SIRPB2: variants seen among roughly 807,000 people sequenced by gnomAD.
SIRPB2 encodes the protein signal-regulatory protein beta-2.
SIRPB2 carries 18 observed loss-of-function variants against 27.1 expected under a neutral mutation model. The observed-to-expected ratio is 0.66, with a 90% CI of 0.46 to 0.98. The LOEUF (loss-of-function observed/expected upper bound fraction) is 0.98. Among genes scored for constraint, SIRPB2 ranks in the 50% least tolerant of loss-of-function variants. The pLI is 0.00. For synonymous variants in SIRPB2, 150 were observed against 164.6 expected (o/e 0.91, Z 0.68); for missense variants, 420 against 417.4 (o/e 1.01, Z -0.06).
chr20:1,475,999 CG>C lies in SIRPB2; in HGVS notation c.*167del, dbSNP rs1269701645. 1.5e-6 allele frequency: 1 copy of C among 688,828 alleles called. No homozygotes were observed. Among genetic ancestry groups the C allele is most frequent in the Non-Finnish European group, 2.4e-6 (1 of 421,322 alleles). 42.7% of individuals were successfully genotyped at this position (688,828 alleles called of 1,614,324 possible). On this transcript the variant is annotated 3_prime_UTR_variant, in exon 5 of 5. Transcript: ENST00000359801. ...AAGGGAGACATTTTAGAGGGAAGCC[CG>C]GTGCAAAGAAGGGAATTTCACTAGG... is the stretch of plus-strand genomic sequence containing the variant.
chr20:1,472,675 A>G (rs2090584445), downstream of SIRPB2: 2 of 152,188 alleles, frequency 1.3e-5, no homozygotes. Flanking sequence ...GCATGTTATT[A>G]CCAGTTTATA....
At chr20:1,476,452 T>A in intron 4 of SIRPB2, 116 bp from the exon 5 acceptor site, 1 of 1,092,754 alleles carries the variant, frequency 9.2e-7, no homozygotes, top group Non-Finnish European at 1.3e-6. Context: ...TCTGGAGCTG[T>A]ATCCTTTCTA....
intron 1 of SIRPB2, among the ~76,000 whole-genome samples, chr20:1,488,593 A>T (rs2090749353): frequency 6.6e-6 from 1 of 152,088 alleles, no homozygotes; most frequent in South Asian, 2.1e-4. Flanking sequence ...GGTTGCAGTG[A>T]GCTGAGATCA....
In SIRPB2 at chr20:1,477,318, A is replaced by G. The variant is rs752972001; in HGVS notation, c.859+20T>C. 1 of 1,614,192 alleles carries G rather than the reference A, an allele frequency of 6.2e-7. No homozygotes were observed. The highest frequency in any genetic ancestry group is 1.1e-5 in the South Asian group (1 of 91,090). On this transcript the variant is annotated intron_variant, in intron 4 of 4. Coordinates refer to ENST00000359801, the MANE Select transcript of SIRPB2 (RefSeq NM_001122962.2). ...TGCCTGTGGGGGACTCATTGACTCC[A>G]CTGAGGTGGGTACGCTCACCTGTTG...
chr20:1,474,030 C>G (rs1260816070), downstream of SIRPB2, among the ~76,000 whole-genome samples: 1 of 152,182 alleles, frequency 6.6e-6, no homozygotes, highest in Non-Finnish European at 1.5e-5. Context: ...ATTCCTTAAC[C>G]TGTGGTCACA....
Position 1,475,069 on chromosome 20 carries a change from T to C in SIRPB2, c.*1098A>G, listed in dbSNP as rs188439601. 5 of 136,028 alleles carry C rather than the reference T, an allele frequency of 3.7e-5. No individual in the cohort carries two copies. Among genetic ancestry groups the C allele is most frequent in the African/African-American group, 1.7e-4 (5 of 29,674 alleles). The allele number at this position is 136,028 out of a possible 1,614,324, so 8.4% of individuals were successfully genotyped here. A position where few individuals can be genotyped will look rare whatever the true frequency, so the allele number is the denominator to read the frequency against. On this transcript the variant is annotated 3_prime_UTR_variant, in exon 5 of 5. Transcript: ENST00000359801. ...GGCTTCTCAGTCCACTAGATGGTGGTAGCACCCCCCCAGGTTGTGCCAACC... is the reference window on the plus strand; with the variant it reads ...GGCTTCTCAGTCCACTAGATGGTGGCAGCACCCCCCCAGGTTGTGCCAACC...
At chr20:1,485,074 A>C (rs1377263823) in intron 1 of SIRPB2, among the ~76,000 whole-genome samples, 1 of 152,178 alleles carries the variant, frequency 6.6e-6, no homozygotes, top group African/African-American at 2.4e-5. Context: ...ATGATACCAG[A>C]CGTGGGGAAA....
chr20:1,475,808 C>A lies in SIRPB2; in HGVS notation c.*359G>T. 1 of 210,264 alleles carries A rather than the reference C, an allele frequency of 4.8e-6. No homozygotes were observed. The allele number at this position is 210,264 out of a possible 1,614,324, so 13.0% of individuals were successfully genotyped here. Reference sequence around the variant, plus strand: ...AGTTCAGAGATTCTTACAGACATCTCCTGGGAAGAAGACTCTGAGTTGGAT... The same window carrying A: ...AGTTCAGAGATTCTTACAGACATCTACTGGGAAGAAGACTCTGAGTTGGAT... On this transcript the variant is annotated 3_prime_UTR_variant, in exon 5 of 5. Coordinates refer to ENST00000359801, the MANE Select transcript of SIRPB2 (RefSeq NM_001122962.2).
rs191472049 is a variant in SIRPB2, at chr20:1,478,167, A to G, written c.793+99T>C. The stretch of plus-strand genomic sequence containing the variant: ...TAGAGGGAAAAACTTATGTAAAGAC[A>G]TGGAGGCTGTGAAGAACTGGCTTGT... On this transcript the variant is annotated intron_variant, in intron 3 of 4. Transcript: ENST00000359801. 10 of 1,102,226 alleles carry G rather than the reference A, an allele frequency of 9.1e-6. No homozygotes were observed. In the African/African-American group the frequency reaches 1.4e-4, roughly 15 times the overall value. The allele number at this position is 1,102,226 out of a possible 1,614,324, so 68.3% of individuals were successfully genotyped here. A position where few individuals can be genotyped will look rare whatever the true frequency, so the allele number is the denominator to read the frequency against.
intron 1 of SIRPB2, among the ~76,000 whole-genome samples, chr20:1,484,482 C>T (rs1247842793): frequency 2.0e-5 from 3 of 151,930 alleles, no homozygotes; most frequent in Non-Finnish European, 4.4e-5. Context: ...CCAAAATATA[C>T]AGGAAACTCA....
chr20:1,471,208 G>C (rs954902934), downstream of SIRPB2: 1 of 152,214 alleles, frequency 6.6e-6, no homozygotes, highest in East Asian at 1.9e-4. Context: ...AGCAGTATAT[G>C]TTGGCTTAAT....
intron 1 of SIRPB2, among the ~76,000 whole-genome samples, chr20:1,490,855 A>G (rs1352537049): frequency 6.6e-6 from 1 of 152,162 alleles, no homozygotes; most frequent in Non-Finnish European, 1.5e-5. Flanking sequence ...TTTTTGAACA[A>G]AAGACCGCAG....
Position 1,478,155 on chromosome 20 carries a change from T to C in SIRPB2, c.793+111A>G, listed in dbSNP as rs1033702072. ...AAGCATTCCAGGTAGAGGGAAAAAC[T>C]TATGTAAAGACATGGAGGCTGTGAA... On this transcript the variant is annotated intron_variant, in intron 3 of 4. Coordinates refer to ENST00000359801, the MANE Select transcript of SIRPB2 (RefSeq NM_001122962.2). 1.6e-5 allele frequency: 16 copies of C among 1,019,738 alleles called. No individual in the cohort carries two copies. The Admixed American group carries it at 2.3e-4, about 15-fold the overall frequency. The allele number at this position is 1,019,738 out of a possible 1,614,324, so 63.2% of individuals were successfully genotyped here. A position where few individuals can be genotyped will look rare whatever the true frequency, so the allele number is the denominator to read the frequency against.
chr20:1,483,048 G>A (rs992817081), intron 1 of SIRPB2, among the ~76,000 whole-genome samples: 2 of 151,250 alleles, frequency 1.3e-5, no homozygotes, highest in Non-Finnish European at 2.9e-5. Flanking sequence ...CATAGTGGCT[G>A]TACTAATTTA....
downstream of SIRPB2, among the ~76,000 whole-genome samples, chr20:1,473,590 G>A (rs1213468729): frequency 1.3e-5 from 2 of 151,072 alleles, no homozygotes; most frequent in African/African-American, 4.8e-5. Flanking sequence ...TTTGGATAGA[G>A]TGGTCCAGAG....
In SIRPB2 at chr20:1,484,350, A is replaced by G. The variant is rs141537411; in HGVS notation, c.86-4285T>C. Among the ~76,000 whole-genome samples the G allele has an allele frequency of 3.3e-5, 5 of 152,334 alleles. No individual in the cohort carries two copies. The East Asian group carries it at 9.6e-4, about 29-fold the overall frequency. ...ACTAAGACAAAAATAGACAAATGGG[A>G]CTATATTAAACTAAAAAGCTTCTTC... On this transcript the variant is annotated intron_variant, in intron 1 of 4. Transcript: ENST00000359801.
chr20:1,482,094 G>A (rs576401409), intron 1 of SIRPB2, among the ~76,000 whole-genome samples: 7 of 152,284 alleles, frequency 4.6e-5, no homozygotes, highest in African/African-American at 1.4e-4. Context: ...ACATTCTATT[G>A]TGAGGCTTCT....
At chr20:1,486,679 A>G (rs73071145) in intron 1 of SIRPB2, among the ~76,000 whole-genome samples, 1 of 152,242 alleles carries the variant, frequency 6.6e-6, no homozygotes, top group Non-Finnish European at 1.5e-5. Flanking sequence ...AATCAATGTA[A>G]TTTACCATAT....
rs748316433 is a variant in SIRPB2 at position 1,479,885 on chromosome 20, C to A, written c.266G>T (p.Arg89Leu). 3.1e-6 allele frequency: 5 copies of A among 1,614,230 alleles called. No individual in the cohort carries two copies. Among genetic ancestry groups the A allele is most frequent in the Non-Finnish European group, 3.4e-6 (4 of 1,180,048 alleles). Reference sequence around the variant, plus strand: ...GGGCATTACCCCAGGGAAGGAGCCACGTTTAAAGTTATAAATTTCCTGTTG... The same window carrying A: ...GGGCATTACCCCAGGGAAGGAGCCAAGTTTAAAGTTATAAATTTCCTGTTG... The part of the protein sequence containing the change: ...QDQQEIYNFK[R>L]GSFPGVMPMI... The change falls in exon 2 of 5, where the codon CGT becomes CTT. Residue 89 changes from arginine to leucine, a missense_variant. Arg to Leu is a moderately radical substitution (Grantham distance 102). Coordinates refer to ENST00000359801, the MANE Select transcript of SIRPB2 (RefSeq NM_001122962.2).
Sources: gnomAD v4.1 joint callset for allele counts (sites outside exome capture counted in the v4.1 genomes callset) on GRCh38, gnomAD v4.1.1 for gene constraint, MANE v1.5 for transcripts, NCBI Gene and HGNC (gene_info 2026-07-23, HGNC 2026-07-21) for gene names.